SCFD1: variants seen among roughly 807,000 people sequenced by gnomAD.
SCFD1 encodes the protein sec1 family domain-containing protein 1.
SCFD1 carries 37 observed loss-of-function variants against 103.2 expected under a neutral mutation model. The observed-to-expected ratio is 0.36, with a 90% CI of 0.28 to 0.47. The LOEUF is 0.47. SCFD1 is among the 20% of genes least tolerant of loss of function. SCFD1 has a pLI of 1.00. For missense variants in SCFD1, 639 were observed against 761.2 expected, an observed-to-expected ratio of 0.84 and a Z score of 1.89; for synonymous variants, 264 against 245.0, an observed-to-expected ratio of 1.08 and a Z score of -0.73.
At position 30,625,097 on chromosome 14, in the gene SCFD1, T is replaced by A. The variant is rs552752939; in HGVS notation, c.61+2698T>A. On this transcript the variant is annotated intron_variant, in intron 1 of 24. Transcript: ENST00000458591. ...ATGTTTTACTTTTTTTTTATTTTAT[T>A]TTTTTTATCCCCCAATTAGAATGAA... Among the ~76,000 whole-genome samples, 20 of 152,232 alleles carry A rather than the reference T, an allele frequency of 1.3e-4. No individual in the cohort carries two copies. The East Asian group carries it at 3.3e-3, about 25-fold the overall frequency.
intron 22 of SCFD1, among the ~76,000 whole-genome samples, 157 bp from the exon 23 acceptor site, chr14:30,722,337 A>G (rs553231976): frequency 6.6e-6 from 1 of 152,126 alleles, no homozygotes; most frequent in Non-Finnish European, 1.5e-5. Flanking sequence ...AGACATTAGA[A>G]ATTTATAAAT....
intron 22 of SCFD1, 101 bp from the exon 23 acceptor site, chr14:30,722,393 C>A: frequency 1.3e-6 from 1 of 752,064 alleles, no homozygotes; most frequent in South Asian, 1.9e-5. Context: ...GCATCAGGGG[C>A]TTAGAATATG....
At chr14:30,723,893 A>C (rs746525813) in intron 23 of SCFD1, among the ~76,000 whole-genome samples, 1 of 152,020 alleles carries the variant, frequency 6.6e-6, no homozygotes, top group Non-Finnish European at 1.5e-5. Flanking sequence ...AGAATGATTT[A>C]TATTATTTGG....
At chr14:30,652,169 G>A (rs916795768) in intron 9 of SCFD1, among the ~76,000 whole-genome samples, 3 of 152,164 alleles carry the variant, frequency 2.0e-5, no homozygotes, top group Admixed American at 6.5e-5. Flanking sequence ...AGTGTAATGA[G>A]TTAATTCTAT....
intron 19 of SCFD1, among the ~76,000 whole-genome samples, chr14:30,712,752 C>T (rs540525038): frequency 2.0e-5 from 3 of 152,114 alleles, no homozygotes; most frequent in African/African-American, 4.8e-5. Context: ...GACTCTGTCT[C>T]TCAAATCTAT....
At chr14:30,664,825 CAA>C (rs769710081) in intron 10 of SCFD1, among the ~76,000 whole-genome samples, 23 of 151,896 alleles carry the variant, frequency 1.5e-4, no homozygotes, top group Middle Eastern at 3.2e-3. Context: ...CGATATGAAA[CAA>C]GAAGAGAAGT....
chr14:30,735,476 A>G, intron 24 of SCFD1, 110 bp from the exon 25 acceptor site: 1 of 746,042 alleles, frequency 1.3e-6, no homozygotes, highest in African/African-American at 1.8e-5. Context: ...CTAGGAATGC[A>G]GTGAATAAAA....
chr14:30,637,897 A>T (rs1316987093), intron 4 of SCFD1, among the ~76,000 whole-genome samples: 3 of 152,132 alleles, frequency 2.0e-5, no homozygotes, highest in Non-Finnish European at 4.4e-5. Context: ...GTAATTAATG[A>T]GATTTTGTTG....
In SCFD1 at chr14:30,630,524, A is replaced by C; in HGVS notation, c.180A>C (p.Leu60=). Residue 60 remains leucine, a synonymous_variant, in exon 3 of 25, where the codon CTA becomes CTC. Transcript: ENST00000458591. ...RFGQDIISPL[L]SVKELRDMGI... ...GCCAAGATATAATCTCTCCTCTGCT[A>C]TCTGTGAAGGAGCTAAGAGACATGG... The C allele has an allele frequency of 2.5e-6, 4 of 1,605,086 alleles. No homozygotes were observed. The highest frequency in any genetic ancestry group is 2.2e-5 in the East Asian group (1 of 44,658).
intron 9 of SCFD1, among the ~76,000 whole-genome samples, chr14:30,652,608 T>C (rs893865142): frequency 6.6e-6 from 1 of 152,210 alleles, no homozygotes; most frequent in African/African-American, 2.4e-5. Flanking sequence ...CTATTCCTTA[T>C]TGCCTTTTTT....
At chr14:30,658,113 G>A (rs1017752507) in intron 10 of SCFD1, 10 of 455,002 alleles carry the variant, frequency 2.2e-5, no homozygotes, top group African/African-American at 8.0e-5. Flanking sequence ...CAGCTGCAGA[G>A]CTGTGGACTT....
At chr14:30,684,227 T>C (rs910305744) in intron 14 of SCFD1, among the ~76,000 whole-genome samples, 1 of 152,236 alleles carries the variant, frequency 6.6e-6, no homozygotes, top group African/African-American at 2.4e-5. Context: ...CCCAGGCTGC[T>C]GTTGAACTCC....
intron 18 of SCFD1, 59 bp from the exon 19 acceptor site, chr14:30,707,931 T>C: frequency 9.0e-7 from 1 of 1,109,802 alleles, no homozygotes; most frequent in Non-Finnish European, 1.4e-6. Context: ...ATTTTATCGA[T>C]AACAGATTGG....
At chr14:30,671,998 G>C (rs975032832) in intron 11 of SCFD1, among the ~76,000 whole-genome samples, 2 of 136,346 alleles carry the variant, frequency 1.5e-5, no homozygotes, top group Non-Finnish European at 3.1e-5. Flanking sequence ...TGGGCAACAA[G>C]AGCAAAACTC....
intron 2 of SCFD1, 119 bp from the exon 3 acceptor site, chr14:30,630,358 C>T: frequency 6.1e-6 from 4 of 660,228 alleles, no homozygotes; most frequent in South Asian, 3.5e-5. Flanking sequence ...TAAATTGAGG[C>T]AAGGATAACA....
chr14:30,626,307 T>G (rs1377715090), intron 1 of SCFD1, among the ~76,000 whole-genome samples: 2 of 152,044 alleles, frequency 1.3e-5, no homozygotes, highest in African/African-American at 4.8e-5. Context: ...TGTCTGTAGG[T>G]GTATGGTAAA....
intron 6 of SCFD1, among the ~76,000 whole-genome samples, chr14:30,642,474 G>A (rs1057479595): frequency 6.6e-6 from 1 of 152,112 alleles, no homozygotes; most frequent in African/African-American, 2.4e-5. Context: ...TTTTAAAAAC[G>A]TCCAGAGAAT....
intron 14 of SCFD1, among the ~76,000 whole-genome samples, chr14:30,693,453 G>A (rs193171981): frequency 2.6e-5 from 4 of 152,174 alleles, no homozygotes; most frequent in Admixed American, 1.3e-4. Context: ...TTGGCCTTGC[G>A]TGCCACTGCA....
chr14:30,705,678 G>A lies in SCFD1; in HGVS notation c.1491-145G>A. On this transcript the variant is annotated intron_variant, in intron 17 of 24. Transcript: ENST00000458591. ...ATTCAGTGTTTTAGTACTAATTGTA[G>A]TGTACTTGTATTCGTTGAAAAATTC... 13 of 599,558 alleles carry A rather than the reference G, an allele frequency of 2.2e-5. No homozygotes were observed. The South Asian group carries it at 2.7e-4, about 12-fold the overall frequency. The allele number at this position is 599,558 out of a possible 1,614,324, so 37.1% of individuals were successfully genotyped here. A position where few individuals can be genotyped will look rare whatever the true frequency, so the allele number is the denominator to read the frequency against.
Sources: gnomAD v4.1 joint callset for allele counts (sites outside exome capture counted in the v4.1 genomes callset) on GRCh38, gnomAD v4.1.1 for gene constraint, MANE v1.5 for transcripts, NCBI Gene and HGNC (gene_info 2026-07-23, HGNC 2026-07-21) for gene names.